SOCS6: variants seen among roughly 807,000 people sequenced by gnomAD.
SOCS6 encodes suppressor of cytokine signaling 6.
A neutral mutation model predicts 27.7 loss-of-function variants in SOCS6; 5 were observed. The ratio of observed to expected loss-of-function variants is 0.18; its 90% CI spans 0.09 to 0.38. SOCS6 has a LOEUF of 0.38. SOCS6 is among the 10% of genes least tolerant of loss of function. The pLI is 1.00. For missense variants in SOCS6, 595 were observed against 688.1 expected, an observed-to-expected ratio of 0.86 and a Z score of 1.51; for synonymous variants, 271 against 260.0, an observed-to-expected ratio of 1.04 and a Z score of -0.41.
intron 1 of SOCS6, among the ~76,000 whole-genome samples, chr18:70,297,182 G>A (rs2062328057): frequency 6.6e-6 from 1 of 151,930 alleles, no homozygotes; most frequent in Non-Finnish European, 1.5e-5. Context: ...TCTCAGGCTG[G>A]TTTTTCGTCG....
At chr18:70,292,896 C>G (rs76579705) in intron 1 of SOCS6, among the ~76,000 whole-genome samples, 12,191 of 152,190 alleles carry the variant, frequency 0.08, 577 homozygotes, top group African/African-American at 0.098. Flanking sequence ...GCCAGTGGCA[C>G]CACCTCAGAG....
rs1180884689 is a variant in SOCS6, at chr18:70,289,301, G to GCGGGGGCCAGGGCCGGGGAA, written c.-127+220_-127+239dup. 2.7e-5 allele frequency among the ~76,000 whole-genome samples: 4 copies of GCGGGGGCCAGGGCCGGGGAA among 149,322 alleles called. No individual in the cohort carries two copies. In the South Asian group the frequency reaches 8.3e-4, roughly 31 times the overall value. On this transcript the variant is annotated intron_variant, in intron 1 of 1. Coordinates refer to ENST00000397942, the MANE Select transcript of SOCS6 (RefSeq NM_004232.4). Reference sequence around the variant, plus strand: ...CTGCGCCGTCTCGGCGGGTGCGCGGGCGGGGGCCAGGGCCGGGGAACGGGG... The same window carrying GCGGGGGCCAGGGCCGGGGAA: ...CTGCGCCGTCTCGGCGGGTGCGCGGGCGGGGGCCAGGGCCGGGGAACGGGGGCCAGGGCCGGGGAACGGGG...
intron 1 of SOCS6, among the ~76,000 whole-genome samples, chr18:70,301,540 G>T (rs1273496183): frequency 6.6e-6 from 1 of 151,996 alleles, no homozygotes; most frequent in Non-Finnish European, 1.5e-5. Flanking sequence ...GGGTGGGGTG[G>T]GGAACAACCC....
chr18:70,299,624 A>G (rs1415100184), intron 1 of SOCS6, among the ~76,000 whole-genome samples: 1 of 152,196 alleles, frequency 6.6e-6, no homozygotes, highest in Non-Finnish European at 1.5e-5. Context: ...AGCCCCATCC[A>G]GAGGCCATCT....
intron 1 of SOCS6, among the ~76,000 whole-genome samples, chr18:70,292,856 C>T (rs949754879): frequency 6.6e-6 from 1 of 152,122 alleles, no homozygotes; most frequent in South Asian, 2.1e-4. Flanking sequence ...TTCGGTGGCT[C>T]CTGTGGTTGG....
chr18:70,294,711 G>T (rs182488240), intron 1 of SOCS6, among the ~76,000 whole-genome samples: 353 of 152,294 alleles, frequency 2.3e-3, no homozygotes, highest in African/African-American at 7.8e-3. Flanking sequence ...GACTGGTAAG[G>T]ATTACAGGTG....
intron 1 of SOCS6, among the ~76,000 whole-genome samples, chr18:70,301,355 C>T (rs1236895608): frequency 1.3e-5 from 2 of 152,076 alleles, no homozygotes; most frequent in African/African-American, 2.4e-5. Flanking sequence ...TTGGATTCTG[C>T]ATATGTTTTG....
intron 1 of SOCS6, among the ~76,000 whole-genome samples, chr18:70,317,056 T>C (rs1242795396): frequency 6.6e-6 from 1 of 152,226 alleles, no homozygotes; most frequent in East Asian, 1.9e-4. Context: ...TTTTTTATAA[T>C]GTATTTTTTA....
chr18:70,317,560 C>T (rs1414742838), intron 1 of SOCS6, among the ~76,000 whole-genome samples: 10 of 135,226 alleles, frequency 7.4e-5, no homozygotes, highest in South Asian at 7.2e-4. Context: ...TACATACACA[C>T]ACACACACAC....
At chr18:70,310,304 TC>T (rs372647525) in intron 1 of SOCS6, among the ~76,000 whole-genome samples, 4 of 150,392 alleles carry the variant, frequency 2.7e-5, no homozygotes, top group Admixed American at 6.6e-5. Context: ...TGAGACAGGG[TC>T]TCACTCTGTT....
In SOCS6 at chr18:70,325,296, C is replaced by T; in HGVS notation, c.628C>T (p.Pro210Ser). The T allele has an allele frequency of 6.2e-7, 1 of 1,614,180 alleles. No homozygotes were observed. Among genetic ancestry groups the T allele is most frequent in the Non-Finnish European group, 8.5e-7 (1 of 1,180,014 alleles). The change falls in exon 2 of 2, where the codon CCT (proline) becomes TCT (serine). Residue 210 changes from proline (P) to serine (S), a missense_variant. Physicochemically the swap from Pro to Ser is moderately conservative, Grantham distance 74. This residue lies in a region of SOCS6 where 467 missense variants were observed against 481.1 expected (regional missense o/e 0.97). Coordinates refer to ENST00000397942, the MANE Select transcript of SOCS6 (RefSeq NM_004232.4). The surrounding 1 kb of genome is among the most constrained non-coding windows in gnomAD (Gnocchi z 6.3). Reference sequence around the variant, plus strand: ...GCATCTTCACCTGGATGAACATGTGCCTGTCGTTATTGGACTTATGCCTCA... The same window carrying T: ...GCATCTTCACCTGGATGAACATGTGTCTGTCGTTATTGGACTTATGCCTCA... ...DLHLHLDEHV[P>S]VVIGLMPQDY...
intron 1 of SOCS6, among the ~76,000 whole-genome samples, chr18:70,321,612 G>A (rs558910970): frequency 9.3e-4 from 140 of 151,244 alleles, no homozygotes; most frequent in Non-Finnish European, 1.1e-3. Context: ...TTACAGAAGT[G>A]AGCCATCATG....
At chr18:70,316,184 T>C (rs2062410676) in intron 1 of SOCS6, among the ~76,000 whole-genome samples, 1 of 152,196 alleles carries the variant, frequency 6.6e-6, no homozygotes, top group South Asian at 2.1e-4. Context: ...AGTATACATT[T>C]GTGTTCACTT....
At chr18:70,290,477 C>G (rs1038085751) in intron 1 of SOCS6, among the ~76,000 whole-genome samples, 3 of 152,208 alleles carry the variant, frequency 2.0e-5, no homozygotes, top group Non-Finnish European at 4.4e-5. Flanking sequence ...GAAAAAAAGT[C>G]TGTAATACTT....
rs1170977940 is a variant in SOCS6, at chr18:70,327,839, A to G, written c.*1563A>G. ...GAAAAGTCTCTTACCCACTTTAAAC[A>G]TGAGGGTAAAGGTTTAGGTCAAACT... On this transcript the variant is annotated 3_prime_UTR_variant, in exon 2 of 2. Coordinates refer to ENST00000397942, the MANE Select transcript of SOCS6 (RefSeq NM_004232.4). 1.2e-5 allele frequency: 2 copies of G among 166,734 alleles called. No homozygotes were observed. The highest frequency in any genetic ancestry group is 1.9e-4 in the East Asian group (1 of 5,188). 10.3% of individuals were successfully genotyped at this position (166,734 alleles called of 1,614,324 possible).
At chr18:70,296,925 T>TTTTTTG (rs2062326209) in intron 1 of SOCS6, among the ~76,000 whole-genome samples, 2 of 142,088 alleles carry the variant, frequency 1.4e-5, no homozygotes, top group African/African-American at 5.1e-5. Context: ...TTTTCTGTCT[T>TTTTTTG]AAGCTCTTCT....
At chr18:70,291,412 C>G (rs1334807840) in intron 1 of SOCS6, among the ~76,000 whole-genome samples, 1 of 152,204 alleles carries the variant, frequency 6.6e-6, no homozygotes, top group Non-Finnish European at 1.5e-5. Context: ...CAAGTGTCCT[C>G]TTAAGCCTTC....
intron 1 of SOCS6, among the ~76,000 whole-genome samples, chr18:70,302,080 C>G (rs1461125967): frequency 6.6e-6 from 1 of 152,062 alleles, no homozygotes; most frequent in African/African-American, 2.4e-5. Flanking sequence ...GGGGTCCCCA[C>G]AAGTTTGTTT....
At position 70,327,993 on chromosome 18, in the gene SOCS6, A is replaced by T. The variant is rs1911275541; in HGVS notation, c.*1717A>T. 6.0e-6 allele frequency: 1 copy of T among 167,038 alleles called. No individual in the cohort carries two copies. Among genetic ancestry groups the T allele is most frequent in the Non-Finnish European group, 1.5e-5 (1 of 68,106 alleles). The allele number at this position is 167,038 out of a possible 1,614,324, so 10.3% of individuals were successfully genotyped here. A position where few individuals can be genotyped will look rare whatever the true frequency, so the allele number is the denominator to read the frequency against. On this transcript the variant is annotated 3_prime_UTR_variant, in exon 2 of 2. Transcript: ENST00000397942. ...TTATGGTGTTATGGTATTTTGACTTAAAGGGGAAAAGGTACTTAATTTTGG... is the reference window on the plus strand; with the variant it reads ...TTATGGTGTTATGGTATTTTGACTTTAAGGGGAAAAGGTACTTAATTTTGG...
Sources: gnomAD v4.1 joint callset for allele counts (sites outside exome capture counted in the v4.1 genomes callset) on GRCh38, gnomAD v4.1.1 for gene constraint, gnomAD v4.1.1 regional missense constraint, Gnocchi (gnomAD v3.1) non-coding constraint, MANE v1.5 for transcripts, NCBI Gene and HGNC (gene_info 2026-07-23, HGNC 2026-07-21) for gene names.